Variants in RAD50 observed in about 807,000 individuals in gnomAD.
RAD50 encodes DNA repair protein RAD50.
Under a neutral mutation model 168.8 loss-of-function variants are expected in RAD50, and 132 were observed. The ratio of observed to expected loss-of-function variants is 0.78; its 90% CI spans 0.68 to 0.90. RAD50 has a LOEUF of 0.90. Among genes scored for constraint, RAD50 ranks in the 40% least tolerant of loss-of-function variants. RAD50 has a pLI of 0.00. For missense variants in RAD50, 1,347 were observed against 1,534.4 expected, an observed-to-expected ratio of 0.88 and a Z score of 2.04; for synonymous variants, 525 against 497.4, an observed-to-expected ratio of 1.06 and a Z score of -0.74.
At chr5:132,624,055 G>C (rs553684793) in intron 21 of RAD50, among the ~76,000 whole-genome samples, 1 of 152,174 alleles carries the variant, frequency 6.6e-6, no homozygotes, top group Non-Finnish European at 1.5e-5. Context: ...ATTATACTAA[G>C]ATTTTTGTTA....
intron 12 of RAD50, 98 bp downstream of exon 12, chr5:132,595,142 G>A: frequency 7.8e-7 from 1 of 1,288,632 alleles, no homozygotes; most frequent in East Asian, 2.4e-5. Context: ...ACCTGGTTAT[G>A]GAGCCTAATG....
chr5:132,608,606 T>C lies in RAD50; in HGVS notation c.2719-9T>C, dbSNP rs1554099312. On this transcript the variant is annotated splice_polypyrimidine_tract_variant and intron_variant, in intron 16 of 24. Transcript: ENST00000378823. ...ATTATATAATACTTTATCTTTTTTA[T>C]ATTTTTAGGATGCTAAAGAGCAGGT... 1.9e-6 allele frequency: 3 copies of C among 1,548,738 alleles called. No individual in the cohort carries two copies. Among genetic ancestry groups the C allele is most frequent in the African/African-American group, 2.8e-5 (2 of 72,274 alleles).
At chr5:132,614,066 A>G (rs1163009419) in intron 19 of RAD50, among the ~76,000 whole-genome samples, 1 of 152,196 alleles carries the variant, frequency 6.6e-6, no homozygotes, top group African/African-American at 2.4e-5. Flanking sequence ...TTGATGTGGT[A>G]TATACTGTCT....
chr5:132,588,971 C>T, intron 8 of RAD50, 91 bp downstream of exon 8: 1 of 1,365,366 alleles, frequency 7.3e-7, no homozygotes, highest in Non-Finnish European at 1.0e-6. Flanking sequence ...TCCATTTTGG[C>T]ATATTTTTCT....
At chr5:132,611,588 C>T (rs1229522196) in intron 19 of RAD50, among the ~76,000 whole-genome samples, 1 of 150,634 alleles carries the variant, frequency 6.6e-6, no homozygotes, top group Non-Finnish European at 1.5e-5. Flanking sequence ...CGCCTGTAGT[C>T]CCAGCTACTC....
intron 11 of RAD50, 138 bp from the exon 12 acceptor site, chr5:132,594,731 C>T: frequency 5.8e-6 from 5 of 860,932 alleles, no homozygotes; most frequent in Non-Finnish European, 9.1e-6. Flanking sequence ...AGTCCCTCAA[C>T]TTCTGAAAAA....
At chr5:132,626,629 G>A (rs140113622) in intron 21 of RAD50, among the ~76,000 whole-genome samples, 8 of 152,250 alleles carry the variant, frequency 5.3e-5, no homozygotes, top group Admixed American at 1.3e-4. Context: ...TTAAGAAAAC[G>A]TAGGTTTCTG....
Position 132,559,272 on chromosome 5 carries a change from C to G in RAD50, c.130-12C>G, listed in dbSNP as rs917079275. ...TCTTATAACGAAATAATGTAATTTT[C>G]TATTTCTTTAGACCATCATTGAATG... On this transcript the variant is annotated splice_polypyrimidine_tract_variant and intron_variant, in intron 1 of 24. Transcript: ENST00000378823. 3 of 1,588,630 alleles carry G rather than the reference C, an allele frequency of 1.9e-6. No individual in the cohort carries two copies. Among genetic ancestry groups the G allele is most frequent in the Non-Finnish European group, 1.7e-6 (2 of 1,168,016 alleles).
Position 132,637,682 on chromosome 5 carries a change from G to A in RAD50, c.3476-399G>A, listed in dbSNP as rs1427805954. Among the ~76,000 whole-genome samples, 8 of 151,990 alleles carry A rather than the reference G, an allele frequency of 5.3e-5. No homozygotes were observed. The East Asian group carries it at 5.8e-4, about 11-fold the overall frequency. ...GTAGTAGCTGGAATTACAGGTGCGC[G>A]CTCCCACACCTGGCTAATTTTTTGT... is the stretch of plus-strand genomic sequence containing the variant. On this transcript the variant is annotated intron_variant, in intron 22 of 24. Transcript: ENST00000378823.
chr5:132,602,004 A>C (rs1288940398), intron 13 of RAD50, among the ~76,000 whole-genome samples: 1 of 152,202 alleles, frequency 6.6e-6, no homozygotes, highest in East Asian at 1.9e-4. Context: ...GGGGAGGGAT[A>C]GCATTAGGAG....
intron 2 of RAD50, among the ~76,000 whole-genome samples, chr5:132,559,976 T>C (rs1433717604): frequency 1.3e-5 from 2 of 152,156 alleles, no homozygotes; most frequent in African/African-American, 4.8e-5. Context: ...ATGGTGTTTA[T>C]ACTATTCGTA....
rs1247689593 is a variant in RAD50 at position 132,588,728 on chromosome 5, C to A, written c.1093C>A (p.Arg365=). ...AGCAGATCGCCATCAAGAACATATC[C>A]GAGCTAGAGATTCATTAATTCAGTC... ...LQADRHQEHI[R]ARDSLIQSLA... Residue 365 remains arginine, a synonymous_variant, in exon 8 of 25, where the codon CGA becomes AGA. Coordinates refer to ENST00000378823, the MANE Select transcript of RAD50 (RefSeq NM_005732.4). 1 of 1,613,660 alleles carries A rather than the reference C, an allele frequency of 6.2e-7. No individual in the cohort carries two copies. The highest frequency in any genetic ancestry group is 8.5e-7 in the Non-Finnish European group (1 of 1,179,890).
At chr5:132,616,977 A>G (rs1395412652) in intron 20 of RAD50, among the ~76,000 whole-genome samples, 1 of 151,686 alleles carries the variant, frequency 6.6e-6, no homozygotes, top group East Asian at 1.9e-4. Flanking sequence ...TTAGCTATTT[A>G]AAATCTCTTT....
chr5:132,597,567 C>A (rs1279560074), intron 13 of RAD50, among the ~76,000 whole-genome samples: 2 of 152,122 alleles, frequency 1.3e-5, no homozygotes, highest in East Asian at 3.8e-4. Flanking sequence ...CTGGAGAGGC[C>A]CATATGCCAA....
At chr5:132,574,514 C>A (rs1228465673) in intron 2 of RAD50, among the ~76,000 whole-genome samples, 2 of 152,210 alleles carry the variant, frequency 1.3e-5, no homozygotes. Context: ...AGGTCTCTGA[C>A]ATGCCCCTGG....
At position 132,618,129 on chromosome 5, in the gene RAD50, T is replaced by C. The variant is rs1581009416; in HGVS notation, c.3224T>C (p.Leu1075Ser). ...DNIKRNHNLA[L>S]GRQKGYEEEI... is the part of the protein sequence containing the mutation. ...ATAAAAAGAAATCATAATTTGGCAT[T>C]AGGGCGACAGAAAGGTTATGAAGAA... The change falls in exon 21 of 25, where the codon TTA (leucine) becomes TCA (serine). Residue 1075 changes from leucine (L) to serine (S), a missense_variant. By Grantham distance (145) the Leu-to-Ser change is moderately radical (BLOSUM62 -2). This residue lies in a region of RAD50 where 635 missense variants were observed against 739.2 expected (regional missense o/e 0.86). Transcript: ENST00000378823. 3 of 1,613,830 alleles carry C rather than the reference T, an allele frequency of 1.9e-6. No homozygotes were observed. The highest frequency in any genetic ancestry group is 2.5e-6 in the Non-Finnish European group (3 of 1,179,878).
intron 21 of RAD50, among the ~76,000 whole-genome samples, chr5:132,618,544 A>G (rs1320682872): frequency 6.6e-6 from 1 of 151,942 alleles, no homozygotes; most frequent in East Asian, 1.9e-4. Context: ...ACGCTGGGCT[A>G]ATCTTGTATT....
Position 132,628,568 on chromosome 5 carries a change from G to A in RAD50, c.3390-8547G>A, listed in dbSNP as rs112475627. ...GTAGTAAGAAATGGAGACAGCAGCCGGGCACGGTGGCTCACACCTGTAATC... is the reference window on the plus strand; with the variant it reads ...GTAGTAAGAAATGGAGACAGCAGCCAGGCACGGTGGCTCACACCTGTAATC... On this transcript the variant is annotated intron_variant, in intron 21 of 24. Coordinates refer to ENST00000378823, the MANE Select transcript of RAD50 (RefSeq NM_005732.4). Among the ~76,000 whole-genome samples, 327 of 152,040 alleles carry A rather than the reference G, an allele frequency of 2.2e-3. 3 individuals are homozygous for A. The highest frequency in any genetic ancestry group is 7.0e-3 in the African/African-American group (289 of 41,458).
intron 21 of RAD50, 131 bp from the exon 22 acceptor site, chr5:132,636,984 A>T: frequency 1.3e-6 from 1 of 759,044 alleles, no homozygotes; most frequent in Non-Finnish European, 1.7e-6. Context: ...TTCTACTTTT[A>T]CCATTGAAAA....
Sources: gnomAD v4.1 joint callset for allele counts (sites outside exome capture counted in the v4.1 genomes callset) on GRCh38, gnomAD v4.1.1 for gene constraint, gnomAD v4.1.1 regional missense constraint, MANE v1.5 for transcripts, NCBI Gene and HGNC (gene_info 2026-07-23, HGNC 2026-07-21) for gene names.